The following CD3D variants were observed in gnomAD, a reference collection of about 807,000 sequenced individuals.
The protein encoded by CD3D is T-cell surface glycoprotein CD3 delta chain.
Under a neutral mutation model 22.0 loss-of-function variants are expected in CD3D, and 22 were observed. That is an observed-to-expected ratio of 1.00 (90% CI 0.71 to 1.43). CD3D has a LOEUF of 1.43. Among genes scored for constraint, CD3D ranks in the 40% most tolerant of loss-of-function variants. The pLI, the probability that CD3D is intolerant of heterozygous loss-of-function variation, is 0.00. For missense variants in CD3D, 205 were observed against 211.7 expected (o/e 0.97, Z 0.20); for synonymous variants, 74 against 81.2 (o/e 0.91, Z 0.48).
chr11:118,341,470 C>A (rs1565518347), intron 1 of CD3D, among the ~76,000 whole-genome samples: 1 of 152,220 alleles, frequency 6.6e-6, no homozygotes, highest in African/African-American at 2.4e-5. Context: ...GGGCTTCACA[C>A]TAAGTCCCAA....
intron 1 of CD3D, 140 bp downstream of exon 1, chr11:118,342,413 C>T (rs1035592252): frequency 2.6e-5 from 19 of 734,332 alleles, no homozygotes; most frequent in Non-Finnish European, 4.5e-5. Context: ...TCAAAGGATC[C>T]TCCCACTTCG....
chr11:118,339,738 A>G, intron 3 of CD3D, 37 bp downstream of exon 3: 1 of 1,611,198 alleles, frequency 6.2e-7, no homozygotes, highest in East Asian at 2.2e-5. Flanking sequence ...ACACACACAC[A>G]CACAAACACA....
chr11:118,340,864 A>C (rs932631752), intron 1 of CD3D: 2 of 628,304 alleles, frequency 3.2e-6, no homozygotes, highest in African/African-American at 1.8e-5. Context: ...GGATTGACCC[A>C]AGCACCTTCC....
chr11:118,339,158 A>G lies in CD3D; in HGVS notation c.*4T>C. ...GCTGCTTCTAGAAGCCACCAGTCTCAGGTTCACTTGTTCCGAGCCCAGTTT... is the reference window on the plus strand; with the variant it reads ...GCTGCTTCTAGAAGCCACCAGTCTCGGGTTCACTTGTTCCGAGCCCAGTTT... On this transcript the variant is annotated 3_prime_UTR_variant, in exon 5 of 5. Coordinates refer to ENST00000300692, the MANE Select transcript of CD3D (RefSeq NM_000732.6). 2 of 1,613,166 alleles carry G rather than the reference A, an allele frequency of 1.2e-6. No homozygotes were observed. The highest frequency in any genetic ancestry group is 1.7e-6 in the Non-Finnish European group (2 of 1,179,114).
intron 1 of CD3D, 48 bp from the exon 2 acceptor site, chr11:118,340,641 C>A (rs751973236): frequency 2.0e-5 from 27 of 1,346,648 alleles, no homozygotes; most frequent in Non-Finnish European, 2.1e-5. Context: ...TTGATCTGCA[C>A]CAAGCCCTTT....
At chr11:118,340,017 A>T (rs937863116) in intron 2 of CD3D, 111 bp from the exon 3 acceptor site, 3 of 1,307,132 alleles carry the variant, frequency 2.3e-6, no homozygotes, top group Non-Finnish European at 3.3e-6. Flanking sequence ...CCAAACTTCA[A>T]TAAGACCCTG....
In CD3D at chr11:118,339,854, G is replaced by T; in HGVS notation, c.327C>A (p.Val109=). 6.2e-7 allele frequency: 1 copy of T among 1,613,960 alleles called. No individual in the cohort carries two copies. Among genetic ancestry groups the T allele is most frequent in the East Asian group, 2.2e-5 (1 of 44,872 alleles). ...LDPATVAGII[V]TDVIATLLLA... ...GGAGCAGAGTGGCAATGACATCAGT[G>T]ACAATGATGCCAGCCACGGTGGCTG... Residue 109 remains valine (V), a synonymous_variant, in exon 3 of 5, where the codon GTC becomes GTA. Coordinates refer to ENST00000300692, the MANE Select transcript of CD3D (RefSeq NM_000732.6).
At position 118,342,504 on chromosome 11, in the gene CD3D, G is replaced by A. The variant is rs776557925; in HGVS notation, c.55+49C>T. 9.1e-6 allele frequency: 14 copies of A among 1,531,196 alleles called. No individual in the cohort carries two copies. The South Asian group carries it at 1.0e-4, about 11-fold the overall frequency. The allele number at this position is 1,531,196 out of a possible 1,614,324, so 94.9% of individuals were successfully genotyped here. ...TTTCAAGTGGGCCTCACTCCCATCA[G>A]TAATGTCCCTCTCAGGTCCCTTCCC... On this transcript the variant is annotated intron_variant, in intron 1 of 4. Coordinates refer to ENST00000300692, the MANE Select transcript of CD3D (RefSeq NM_000732.6).
chr11:118,339,491 G>T lies in CD3D; in HGVS notation c.410C>A (p.Ala137Asp). Residue 137 changes from alanine to aspartate, a missense_variant, in exon 4 of 5, where the codon GCC (alanine) becomes GAC (aspartate). Physicochemically the swap from Ala to Asp is moderately radical, Grantham distance 126. Transcript: ENST00000300692. ...GHETGRLSGA[A>D]DTQALLRNDQ... ...ATTCCTCAACAGAGCTTGTGTGTCG[G>T]CAGCTAGAAGAACCAGAGAGAGACA... 6.2e-7 allele frequency: 1 copy of T among 1,614,094 alleles called. No homozygotes were observed. The highest frequency in any genetic ancestry group is 8.5e-7 in the Non-Finnish European group (1 of 1,180,028).
At chr11:118,340,342 C>T in intron 2 of CD3D, 33 bp downstream of exon 2, 1 of 1,533,736 alleles carries the variant, frequency 6.5e-7, no homozygotes, top group Admixed American at 1.7e-5. Context: ...AAGCCCTATC[C>T]ATTCCAACCC....
At chr11:118,339,028 C>T, downstream of CD3D, 1 of 819,376 alleles carries the variant, frequency 1.2e-6, no homozygotes. Flanking sequence ...CAAGTCAGGA[C>T]AACTCCCACG....
rs558078839 is a variant in CD3D at position 118,339,301 on chromosome 11, A to G, written c.451-74T>C. ...CAAGGAAGGGCCCCAGCAGGCCCTG[A>G]CGATGAGAGCTCCTGCCTGACCTCT... On this transcript the variant is annotated intron_variant, in intron 4 of 4. Coordinates refer to ENST00000300692, the MANE Select transcript of CD3D (RefSeq NM_000732.6). 3.3e-4 allele frequency: 499 copies of G among 1,518,404 alleles called. 3 individuals are homozygous for G. The South Asian group carries it at 4.6e-3, about 14-fold the overall frequency. 94.1% of individuals were successfully genotyped at this position (1,518,404 alleles called of 1,614,324 possible).
intron 4 of CD3D, 91 bp from the exon 5 acceptor site, chr11:118,339,318 C>A: frequency 1.3e-6 from 2 of 1,481,542 alleles, no homozygotes; most frequent in Non-Finnish European, 1.9e-6. Flanking sequence ...GAGCTCCTGC[C>A]TGACCTCTCC....
intron 2 of CD3D, among the ~76,000 whole-genome samples, 174 bp downstream of exon 2, chr11:118,340,201 G>A (rs1047618222): frequency 6.6e-6 from 1 of 152,130 alleles, no homozygotes; most frequent in African/African-American, 2.4e-5. Context: ...CTGTCTTGCT[G>A]AGTTAAGCTC....
downstream of CD3D, chr11:118,339,003 G>A: frequency 1.3e-6 from 1 of 745,068 alleles, no homozygotes; most frequent in South Asian, 1.4e-5. Context: ...GTAGGTAGGA[G>A]GGCGAGATCC....
At chr11:118,339,708 G>GTA (rs1252189207) in intron 3 of CD3D, 67 bp downstream of exon 3, 7 of 1,075,754 alleles carry the variant, frequency 6.5e-6, no homozygotes, top group Admixed American at 4.7e-5. Context: ...AAGCTCACTG[G>GTA]TACACACACA....
At position 118,342,613 on chromosome 11, in the gene CD3D, AG is replaced by A; in HGVS notation, c.-7del. ...AGAAACGTGCTATGTTCCATCTCCCAGCGGAACTCATCCAGTAGATAAAGCC... is the reference window on the plus strand; with the variant it reads ...AGAAACGTGCTATGTTCCATCTCCCACGGAACTCATCCAGTAGATAAAGCC... On this transcript the variant is annotated 5_prime_UTR_variant, in exon 1 of 5. Coordinates refer to ENST00000300692, the MANE Select transcript of CD3D (RefSeq NM_000732.6). 6.2e-7 allele frequency: 1 copy of A among 1,613,310 alleles called. No individual in the cohort carries two copies. The highest frequency in any genetic ancestry group is 8.5e-7 in the Non-Finnish European group (1 of 1,179,396).
chr11:118,339,267 A>T (rs368739909), intron 4 of CD3D, 40 bp from the exon 5 acceptor site: 8 of 1,589,592 alleles, frequency 5.0e-6, no homozygotes, highest in African/African-American at 2.7e-5. Context: ...AGGCAGGGTT[A>T]GAACTCTTCA....
chr11:118,342,388 C>A (rs774392846), intron 1 of CD3D, among the ~76,000 whole-genome samples, 165 bp downstream of exon 1: 1 of 152,092 alleles, frequency 6.6e-6, no homozygotes, highest in Non-Finnish European at 1.5e-5. Context: ...TCAGACTGGT[C>A]TCAAACTCCT....
Sources: gnomAD v4.1 joint callset for allele counts (sites outside exome capture counted in the v4.1 genomes callset) on GRCh38, gnomAD v4.1.1 for gene constraint, MANE v1.5 for transcripts, NCBI Gene and HGNC (gene_info 2026-07-23, HGNC 2026-07-21) for gene names.